Variants in PLCXD1 observed in about 807,000 individuals in gnomAD.
The protein encoded by PLCXD1 is phosphatidylinositol specific phospholipase C X domain containing 1.
A neutral mutation model predicts 37.8 loss-of-function variants in PLCXD1; 45 were observed. That is an observed-to-expected ratio of 1.19 (90% CI 0.94 to 1.53). The LOEUF (loss-of-function observed/expected upper bound fraction) is 1.53. Among genes scored for constraint, PLCXD1 ranks in the 40% most tolerant of loss-of-function variants. PLCXD1 has a pLI of 0.00. For synonymous variants in PLCXD1, 246 were observed against 206.9 expected (o/e 1.19, Z -1.62); for missense variants, 539 against 454.7 (o/e 1.19, Z -1.69).
At chrX:290,496 A>G in intron 3 of PLCXD1, 152 bp from the exon 4 acceptor site, 1 of 709,472 alleles carries the variant, frequency 1.4e-6, no homozygotes, top group Non-Finnish European at 2.3e-6. Flanking sequence ...CCGTGGCTGC[A>G]GCGCTCCCAG....
At position 299,491 on chromosome X, in the gene PLCXD1, T is replaced by G. The variant is rs2069932718; in HGVS notation, c.*156T>G. 1.5e-6 allele frequency: 1 copy of G among 656,664 alleles called. No homozygotes were observed. Among genetic ancestry groups the G allele is most frequent in the African/African-American group, 1.8e-5 (1 of 55,600 alleles). The allele number at this position is 656,664 out of a possible 1,614,324, so 40.7% of individuals were successfully genotyped here. ...ATAGAGATGGGGTGGCTGGGCGTGG[T>G]GACTTCGCCTGTCTTCCCAGCACTT... On this transcript the variant is annotated 3_prime_UTR_variant, in exon 7 of 7. Transcript: ENST00000381657.
chrX:290,609 G>A (rs184320394), intron 3 of PLCXD1, 39 bp from the exon 4 acceptor site: 47 of 1,610,502 alleles, frequency 2.9e-5, no homozygotes, highest in Middle Eastern at 1.8e-4. Context: ...CAGACGCGGC[G>A]CTCAGCCAGG....
In PLCXD1 at chrX:299,672, G is replaced by A; in HGVS notation, c.*337G>A. The A allele has an allele frequency of 2.4e-6, 1 of 423,220 alleles. No homozygotes were observed. Among genetic ancestry groups the A allele is most frequent in the Non-Finnish European group, 4.3e-6 (1 of 232,352 alleles). 26.2% of individuals were successfully genotyped at this position (423,220 alleles called of 1,614,324 possible). Reference sequence around the variant, plus strand: ...CTCGGGAGGCTCAGGCAGGAGAACTGCTTGAAGCCGGGAGATGGAGGTTGC... The same window carrying A: ...CTCGGGAGGCTCAGGCAGGAGAACTACTTGAAGCCGGGAGATGGAGGTTGC... On this transcript the variant is annotated 3_prime_UTR_variant, in exon 7 of 7. Coordinates refer to ENST00000381657, the MANE Select transcript of PLCXD1 (RefSeq NM_018390.4).
In PLCXD1 at chrX:299,611, A is replaced by T; in HGVS notation, c.*276A>T. The T allele has an allele frequency of 5.5e-6, 3 of 546,516 alleles. No individual in the cohort carries two copies. The highest frequency in any genetic ancestry group is 9.8e-6 in the Non-Finnish European group (3 of 306,408). 33.9% of individuals were successfully genotyped at this position (546,516 alleles called of 1,614,324 possible). A position where few individuals can be genotyped will look rare whatever the true frequency, so the allele number is the denominator to read the frequency against. On this transcript the variant is annotated 3_prime_UTR_variant, in exon 7 of 7. Transcript: ENST00000381657. The stretch of plus-strand genomic sequence containing the variant: ...CATCTCTACTAAAAATACAAAACTT[A>T]GCTGGGTGTGTGGCAGGCGCCTGTA...
At chrX:285,551 A>ACGCATGCACACAGACAAT (rs1442518277) in intron 2 of PLCXD1, among the ~76,000 whole-genome samples, 1 of 67,992 alleles carries the variant, frequency 1.5e-5, no homozygotes, top group Non-Finnish European at 3.1e-5. Flanking sequence ...ACACAGACAT[A>ACGCATGCACACAGACAAT]CACATGTACA....
rs1249240875 is a variant in PLCXD1, at chrX:293,045, C to T, written c.560C>T (p.Thr187Ile). Residue 187 changes from threonine (T) to isoleucine (I), a missense_variant, in exon 6 of 7, where the codon ACA becomes ATA. Coordinates refer to ENST00000381657, the MANE Select transcript of PLCXD1 (RefSeq NM_018390.4). ...DMLCPRGEVP[T>I]LRQLWSRGQQ... Reference sequence around the variant, plus strand: ...TCTGGTCCTTTGCAGGAGGTGCCGACACTGCGGCAGCTGTGGTCCCGGGGC... The same window carrying T: ...TCTGGTCCTTTGCAGGAGGTGCCGATACTGCGGCAGCTGTGGTCCCGGGGC... 1.2e-6 allele frequency: 2 copies of T among 1,607,368 alleles called. No individual in the cohort carries two copies. The highest frequency in any genetic ancestry group is 1.1e-5 in the South Asian group (1 of 90,724).
In PLCXD1 at chrX:290,681, G is replaced by T. The variant is rs201155514; in HGVS notation, c.298G>T (p.Val100Leu). ...CGTCACAGAGCAGCTGGATGCCGGGGTGCGGTACCTGGACCTGCGGATAGC... is the reference window on the plus strand; with the variant it reads ...CGTCACAGAGCAGCTGGATGCCGGGTTGCGGTACCTGGACCTGCGGATAGC... ...LDVTEQLDAGVRYLDLRIAHM... is the reference protein window; with the variant it reads ...LDVTEQLDAGLRYLDLRIAHM... Residue 100 changes from valine to leucine, a missense_variant, in exon 4 of 7, where the codon GTG (valine) becomes TTG (leucine). Coordinates refer to ENST00000381657, the MANE Select transcript of PLCXD1 (RefSeq NM_018390.4). 6 of 1,613,680 alleles carry T rather than the reference G, an allele frequency of 3.7e-6. No individual in the cohort carries two copies. The African/African-American group carries it at 5.3e-5, about 14-fold the overall frequency.
chrX:293,991 T>G lies in PLCXD1; in HGVS notation c.733+773T>G, dbSNP rs147550480. ...GTGAATCCACTTTATTTTTTTTAGT[T>G]AATTCTTTGATTAGAGAAGGGGTCT... is the stretch of plus-strand genomic sequence containing the variant. On this transcript the variant is annotated intron_variant, in intron 6 of 6. Coordinates refer to ENST00000381657, the MANE Select transcript of PLCXD1 (RefSeq NM_018390.4). Among the ~76,000 whole-genome samples the G allele has an allele frequency of 3.1e-3, 468 of 152,292 alleles. 3 individuals carry two copies. Among genetic ancestry groups the G allele is most frequent in the Middle Eastern group, 0.014 (4 of 294 alleles).
intron 1 of PLCXD1, among the ~76,000 whole-genome samples, chrX:281,976 G>A (rs1374293110): frequency 2.6e-5 from 4 of 151,962 alleles, no homozygotes; most frequent in Non-Finnish European, 4.4e-5. Flanking sequence ...TCGAACCCCT[G>A]ACCTCAGGTG....
chrX:289,642 G>T (rs931652573), intron 3 of PLCXD1, among the ~76,000 whole-genome samples: 1 of 151,260 alleles, frequency 6.6e-6, no homozygotes, highest in Non-Finnish European at 1.5e-5. Context: ...CTCCTGAGTA[G>T]CTGGGACTAC....
chrX:282,949 ATATATAT>A (rs1172106740), intron 1 of PLCXD1, among the ~76,000 whole-genome samples: 1 of 103,860 alleles, frequency 9.6e-6, no homozygotes, highest in Non-Finnish European at 2.2e-5. Context: ...TATATATTAT[ATATATAT>A]TATATATGTA....
At chrX:292,947 C>A in intron 5 of PLCXD1, 88 bp from the exon 6 acceptor site, 1 of 865,204 alleles carries the variant, frequency 1.2e-6, no homozygotes, top group Non-Finnish European at 1.8e-6. Flanking sequence ...CGTGTTGGGC[C>A]GGTGTCCCGA....
chrX:283,059 ATGTGTGTATGTGTG>A (rs2069326714), intron 1 of PLCXD1: 1 of 64,522 alleles, frequency 1.5e-5, no homozygotes, highest in South Asian at 3.6e-4. Context: ...ATATTCTGTT[ATGTGTGTATGTGTG>A]TGTGTGTGTG....
chrX:296,180 G>A lies in PLCXD1; in HGVS notation c.734-2917G>A, dbSNP rs189793540. Among the ~76,000 whole-genome samples, 547 of 152,078 alleles carry A rather than the reference G, an allele frequency of 3.6e-3. 2 individuals carry two copies. The highest frequency in any genetic ancestry group is 5.6e-3 in the Non-Finnish European group (384 of 67,990). ...CTGTCACCCAGGCTGGAGTGCAATG[G>A]CGTGATCTCGGCTCACTGCAACCTC... On this transcript the variant is annotated intron_variant, in intron 6 of 6. Transcript: ENST00000381657.
chrX:283,955 C>T lies in PLCXD1; in HGVS notation c.-21-212C>T, dbSNP rs752979512. The T allele has an allele frequency of 7.9e-6, 4 of 508,850 alleles. No homozygotes were observed. The Admixed American group carries it at 1.4e-4, about 17-fold the overall frequency. 31.5% of individuals were successfully genotyped at this position (508,850 alleles called of 1,614,324 possible). A position where few individuals can be genotyped will look rare whatever the true frequency, so the allele number is the denominator to read the frequency against. ...GGAGTGCAGTGGCGGGATCTCCGCTCACTGTAACCTCCACCTCCCGGGTTC... is the reference window on the plus strand; with the variant it reads ...GGAGTGCAGTGGCGGGATCTCCGCTTACTGTAACCTCCACCTCCCGGGTTC... On this transcript the variant is annotated intron_variant, in intron 1 of 6. Transcript: ENST00000381657.
At position 301,585 on chromosome X, in the gene PLCXD1, A is replaced by T. The variant is rs964406255; in HGVS notation, c.*2250A>T. 2.6e-5 allele frequency: 4 copies of T among 152,242 alleles called. No homozygotes were observed. The highest frequency in any genetic ancestry group is 7.2e-5 in the African/African-American group (3 of 41,434). 9.4% of individuals were successfully genotyped at this position (152,242 alleles called of 1,614,324 possible). A position where few individuals can be genotyped will look rare whatever the true frequency, so the allele number is the denominator to read the frequency against. Reference sequence around the variant, plus strand: ...CAGCTTCCCAAGTAACTGGGAGTATAGGTGTACACCACCATGCCCAGCTAA... The same window carrying T: ...CAGCTTCCCAAGTAACTGGGAGTATTGGTGTACACCACCATGCCCAGCTAA... On this transcript the variant is annotated 3_prime_UTR_variant, in exon 7 of 7. Coordinates refer to ENST00000381657, the MANE Select transcript of PLCXD1 (RefSeq NM_018390.4).
chrX:294,889 C>T (rs751334210), intron 6 of PLCXD1, among the ~76,000 whole-genome samples: 7 of 151,980 alleles, frequency 4.6e-5, no homozygotes, highest in East Asian at 1.9e-4. Context: ...AATTTAAAAT[C>T]GTGAATTTCG....
intron 2 of PLCXD1, 84 bp downstream of exon 2, chrX:284,398 C>T: frequency 2.0e-6 from 3 of 1,495,384 alleles, no homozygotes; most frequent in Admixed American, 3.5e-5. Context: ...CTGCATTCCC[C>T]AGTGGGGACG....
intron 3 of PLCXD1, among the ~76,000 whole-genome samples, chrX:290,413 G>C (rs1220207045): frequency 7.0e-6 from 1 of 142,350 alleles, no homozygotes; most frequent in Non-Finnish European, 1.5e-5. Flanking sequence ...CTGGGTGACA[G>C]AGCGAGACTC....
Sources: allele counts gnomAD v4.1 joint callset (sites outside exome capture counted in the v4.1 genomes callset), GRCh38; gene constraint gnomAD v4.1.1; transcripts MANE v1.5; gene names NCBI Gene and HGNC (gene_info 2026-07-23, HGNC 2026-07-21).